Variants in TRPV4 observed in about 807,000 individuals in gnomAD.
TRPV4 encodes OSM9-like transient receptor potential channel 4.
TRPV4 carries 58 observed loss-of-function variants against 84.1 expected under a neutral mutation model. That is an observed-to-expected ratio of 0.69 (90% CI 0.56 to 0.86). TRPV4 has a LOEUF of 0.86. TRPV4 is among the 40% of genes least tolerant of loss of function. TRPV4 has a pLI of 0.00. For synonymous variants in TRPV4, 489 were observed against 500.9 expected, an observed-to-expected ratio of 0.98 and a Z score of 0.32; for missense variants, 879 against 1,181.1, an observed-to-expected ratio of 0.74 and a Z score of 3.75.
intron 1 of TRPV4, among the ~76,000 whole-genome samples, chr12:109,828,408 G>A (rs1427250970): frequency 6.6e-6 from 1 of 152,196 alleles, no homozygotes; most frequent in Non-Finnish European, 1.5e-5. Flanking sequence ...GAGTCACATT[G>A]AAAGTGAGGC....
chr12:109,807,017 C>G (rs538283293), intron 3 of TRPV4, among the ~76,000 whole-genome samples: 1 of 152,280 alleles, frequency 6.6e-6, no homozygotes. Context: ...TGGCTCATGC[C>G]TATAATCCCA....
At chr12:109,789,418 T>A (rs1441230695) in intron 12 of TRPV4, among the ~76,000 whole-genome samples, 1 of 152,028 alleles carries the variant, frequency 6.6e-6, no homozygotes, top group Admixed American at 6.6e-5. Context: ...TTCGCAGGGG[T>A]AGACTCTCTC....
chr12:109,783,686 G>A lies in TRPV4; in HGVS notation c.2551C>T (p.Pro851Ser). The change falls in exon 16 of 16, where the codon CCC (proline) becomes TCC (serine). Residue 851 changes from proline (P) to serine (S), a missense_variant. This residue lies in a region of TRPV4 where 242 missense variants were observed against 355.3 expected (regional missense o/e 0.68). Transcript: ENST00000261740. This position sits in a 1 kb window ranked among gnomAD's most constrained non-coding sequence, Gnocchi z 4.6. Reference protein sequence around the residue: ...VVVPLDSMGNPRCDGHQQGYP... With the variant: ...VVVPLDSMGNSRCDGHQQGYP... Reference sequence around the variant, plus strand: ...CCCTGCTGGTGGCCATCGCAGCGGGGGTTCCCCATGCTGTCCAGAGGCACC... The same window carrying A: ...CCCTGCTGGTGGCCATCGCAGCGGGAGTTCCCCATGCTGTCCAGAGGCACC... 1.2e-6 allele frequency: 2 copies of A among 1,613,870 alleles called. No individual in the cohort carries two copies. The highest frequency in any genetic ancestry group is 1.1e-5 in the South Asian group (1 of 91,088).
At chr12:109,830,936 C>T (rs757647017) in intron 1 of TRPV4, among the ~76,000 whole-genome samples, 4 of 152,168 alleles carry the variant, frequency 2.6e-5, no homozygotes, top group Non-Finnish European at 5.9e-5. Context: ...TTCCAGCTGC[C>T]GCTCTCCACT....
intron 13 of TRPV4, among the ~76,000 whole-genome samples, chr12:109,787,352 C>A (rs1402244262): frequency 1.3e-5 from 2 of 152,182 alleles, no homozygotes; most frequent in Admixed American, 6.5e-5. Flanking sequence ...CACCTGCAAT[C>A]TCAGCACTTT....
chr12:109,830,872 T>C (rs1439024307), intron 1 of TRPV4, among the ~76,000 whole-genome samples: 1 of 152,222 alleles, frequency 6.6e-6, no homozygotes, highest in Non-Finnish European at 1.5e-5. Context: ...GCACCTACTA[T>C]GTGCCAGGCA....
At chr12:109,810,429 A>T (rs1891450626) in intron 2 of TRPV4, among the ~76,000 whole-genome samples, 1 of 152,198 alleles carries the variant, frequency 6.6e-6, no homozygotes, top group South Asian at 2.1e-4. Context: ...AACTGAGGCC[A>T]GGGCAGGTTG....
rs934045523 is a variant in TRPV4 at position 109,793,047 on chromosome 12, C to T, written c.1659-230G>A. 6.6e-6 allele frequency among the ~76,000 whole-genome samples: 1 copy of T among 152,160 alleles called. No homozygotes were observed. The highest frequency in any genetic ancestry group is 1.5e-5 in the Non-Finnish European group (1 of 68,028). On this transcript the variant is annotated intron_variant, in intron 10 of 15. Transcript: ENST00000261740. This position sits in a 1 kb window ranked among gnomAD's most constrained non-coding sequence, Gnocchi z 4.0. Reference sequence around the variant, plus strand: ...GGTCCCACAGGATCCTGAAGTGATGCCCCTTGGAATTGCTAAAGAAAGATT... The same window carrying T: ...GGTCCCACAGGATCCTGAAGTGATGTCCCTTGGAATTGCTAAAGAAAGATT...
chr12:109,783,730 G>A lies in TRPV4; in HGVS notation c.2507C>T (p.Ser836Leu), dbSNP rs768620169. 7 of 1,613,572 alleles carry A rather than the reference G, an allele frequency of 4.3e-6. No homozygotes were observed. The highest frequency in any genetic ancestry group is 1.7e-5 in the Admixed American group (1 of 59,988). Reference protein sequence around the residue: ...VPRVVELNKNSNPDEVVVPLD... With the variant: ...VPRVVELNKNLNPDEVVVPLD... The stretch of plus-strand genomic sequence containing the variant: ...AGGCACCACCACCTCGTCCGGGTTC[G>A]AGTTCTTGTTCAGTTCCACCACGCG... The change falls in exon 16 of 16, where the codon TCG becomes TTG. Residue 836 changes from serine to leucine, a missense_variant. Physicochemically the swap from Ser to Leu is moderately radical, Grantham distance 145. Coordinates refer to ENST00000261740, the MANE Select transcript of TRPV4 (RefSeq NM_021625.5). The surrounding 1 kb of genome is among the most constrained non-coding windows in gnomAD (Gnocchi z 4.6).
rs1180481093 is a variant in TRPV4, at chr12:109,796,001, C to T, written c.1332+524G>A. On this transcript the variant is annotated intron_variant, in intron 7 of 15. Coordinates refer to ENST00000261740, the MANE Select transcript of TRPV4 (RefSeq NM_021625.5). This position sits in a 1 kb window ranked among gnomAD's most constrained non-coding sequence, Gnocchi z 4.2. ...CTCAAACTCCTGGCTTCAAGCAATC[C>T]GCCCACCTTGGCTCCCCAAAATGCT... 2.0e-5 allele frequency among the ~76,000 whole-genome samples: 3 copies of T among 152,050 alleles called. No homozygotes were observed. The highest frequency in any genetic ancestry group is 2.1e-4 in the South Asian group (1 of 4,798).
chr12:109,800,801 G>A, intron 4 of TRPV4, 43 bp from the exon 5 acceptor site: 1 of 1,484,898 alleles, frequency 6.7e-7, no homozygotes, highest in Non-Finnish European at 9.1e-7. Context: ...GCGGAGCAGA[G>A]ACCTAGCCAG....
intron 1 of TRPV4, among the ~76,000 whole-genome samples, chr12:109,825,496 G>A (rs1892226861): frequency 6.6e-6 from 1 of 152,242 alleles, no homozygotes. Context: ...AGTGGGAGGT[G>A]GGGGATGATG....
intron 1 of TRPV4, among the ~76,000 whole-genome samples, chr12:109,818,034 C>T (rs1042636971): frequency 2.6e-5 from 4 of 152,102 alleles, no homozygotes; most frequent in African/African-American, 9.7e-5. Context: ...GAAACTGAGG[C>T]TCAGAGAGGC....
chr12:109,793,670 G>C lies in TRPV4; in HGVS notation c.1585-70C>G. On this transcript the variant is annotated intron_variant, in intron 9 of 15. Coordinates refer to ENST00000261740, the MANE Select transcript of TRPV4 (RefSeq NM_021625.5). This position sits in a 1 kb window ranked among gnomAD's most constrained non-coding sequence, Gnocchi z 4.0. ...AGAGGAGAGGAGGAGAGAGGAGACA[G>C]AGAAAGGGATAGAAGAGAGGGAGGC... 3 of 1,309,154 alleles carry C rather than the reference G, an allele frequency of 2.3e-6. No homozygotes were observed. The highest frequency in any genetic ancestry group is 3.3e-6 in the Non-Finnish European group (3 of 903,872). 81.1% of individuals were successfully genotyped at this position (1,309,154 alleles called of 1,614,324 possible). A position where few individuals can be genotyped will look rare whatever the true frequency, so the allele number is the denominator to read the frequency against.
At chr12:109,791,673 G>A (rs985638490) in intron 12 of TRPV4, among the ~76,000 whole-genome samples, 17 of 150,952 alleles carry the variant, frequency 1.1e-4, no homozygotes, top group African/African-American at 3.2e-4. Context: ...TGGTAGAGAC[G>A]GGGTTTTGCC....
rs886048939 is a variant in TRPV4 at position 109,783,570 on chromosome 12, C to T, written c.*51G>A. The T allele has an allele frequency of 8.2e-6, 13 of 1,589,346 alleles. No homozygotes were observed. The highest frequency in any genetic ancestry group is 4.0e-5 in the African/African-American group (3 of 74,642). On this transcript the variant is annotated 3_prime_UTR_variant, in exon 16 of 16. Coordinates refer to ENST00000261740, the MANE Select transcript of TRPV4 (RefSeq NM_021625.5). This position sits in a 1 kb window ranked among gnomAD's most constrained non-coding sequence, Gnocchi z 4.6. ...CACCCCAGAAGGCACTGCTGAAATG[C>T]GGCTGGACTAGAAATGAGTGGGCAG...
rs534389821 is a variant in TRPV4 at position 109,832,091 on chromosome 12, G to A, written c.-32+1259C>T. Among the ~76,000 whole-genome samples, 96 of 152,316 alleles carry A rather than the reference G, an allele frequency of 6.3e-4. 3 individuals carry two copies. In the South Asian group the frequency reaches 0.019, roughly 31 times the overall value. On this transcript the variant is annotated intron_variant, in intron 1 of 15. Coordinates refer to ENST00000261740, the MANE Select transcript of TRPV4 (RefSeq NM_021625.5). Reference sequence around the variant, plus strand: ...GTCATCGGTCCTCACGACAGCCCTGGGGGCTTGCCCTCAGGCACCCCAGTA... The same window carrying A: ...GTCATCGGTCCTCACGACAGCCCTGAGGGCTTGCCCTCAGGCACCCCAGTA...
At chr12:109,803,710 C>T (rs1291900521) in intron 3 of TRPV4, among the ~76,000 whole-genome samples, 2 of 152,170 alleles carry the variant, frequency 1.3e-5, no homozygotes, top group African/African-American at 2.4e-5. Context: ...CCTCCCACCT[C>T]AGCCTCCCAA....
At position 109,794,341 on chromosome 12, in the gene TRPV4, C is replaced by T. The variant is rs1337838267; in HGVS notation, c.1479G>A (p.Pro493=). 1.2e-5 allele frequency: 19 copies of T among 1,612,052 alleles called. No homozygotes were observed. The highest frequency in any genetic ancestry group is 2.7e-5 in the African/African-American group (2 of 74,924). ...CCCGGGCACTCACTGTGCCCTCCAGCGGCTGGTAGTAGGCGGTGAGAGTGA... is the reference window on the plus strand; with the variant it reads ...CCCGGGCACTCACTGTGCCCTCCAGTGGCTGGTAGTAGGCGGTGAGAGTGA... ...VIFTLTAYYQ[P]LEGTPPYPYR... The change falls in exon 8 of 16, where the codon CCG becomes CCA. Residue 493 remains proline, a synonymous_variant. Transcript: ENST00000261740.
Sources: allele counts gnomAD v4.1 joint callset (sites outside exome capture counted in the v4.1 genomes callset), GRCh38; gene constraint gnomAD v4.1.1; regional missense constraint gnomAD v4.1.1; non-coding constraint Gnocchi (gnomAD v3.1); transcripts MANE v1.5; gene names NCBI Gene and HGNC (gene_info 2026-07-23, HGNC 2026-07-21).